Variants in PCDH15 observed in about 807,000 individuals in gnomAD.
PCDH15 encodes protocadherin-15.
In PCDH15, 129 loss-of-function variants were observed where a neutral mutation model predicts 178.5. The ratio of observed to expected loss-of-function variants is 0.72; its 90% CI spans 0.63 to 0.84. The LOEUF (loss-of-function observed/expected upper bound fraction) is 0.84, where lower values mean the gene tolerates loss of function less well. Ranked by LOEUF, PCDH15 falls within the 40% of genes least tolerant of loss-of-function variation. PCDH15 has a pLI of 0.00. For missense variants in PCDH15, 2,230 were observed against 2,099.9 expected (o/e 1.06, Z -1.21); for synonymous variants, 800 against 732.0 (o/e 1.09, Z -1.50).
intron 3 of PCDH15, among the ~76,000 whole-genome samples, chr10:54,426,932 A>G (rs1328390763): frequency 6.6e-6 from 1 of 152,126 alleles, no homozygotes; most frequent in African/African-American, 2.4e-5. Flanking sequence ...AGCAAAAGCA[A>G]TATTTGTTGA....
chr10:54,685,026 T>A (rs2094969543), intron 1 of PCDH15, among the ~76,000 whole-genome samples: 1 of 151,886 alleles, frequency 6.6e-6, no homozygotes, highest in South Asian at 2.1e-4. Flanking sequence ...TTTTTCTATT[T>A]TAAAAATTAT....
At chr10:53,812,817 A>G (rs1371409376) in intron 35 of PCDH15, among the ~76,000 whole-genome samples, 1 of 152,186 alleles carries the variant, frequency 6.6e-6, no homozygotes, top group Non-Finnish European at 1.5e-5. Context: ...TCACATGAAA[A>G]TAGATTGGTA....
intron 2 of PCDH15, among the ~76,000 whole-genome samples, chr10:55,075,710 A>AT (rs71014447): frequency 0.033 from 4,773 of 146,284 alleles, 289 homozygotes; most frequent in East Asian, 0.22. Context: ...CCTCCTTTGT[A>AT]TTTTTTTTTT....
chr10:55,170,430 TGAGCCACCGTG>T (rs1839302996), intron 1 of PCDH15, among the ~76,000 whole-genome samples: 1 of 152,118 alleles, frequency 6.6e-6, no homozygotes, highest in South Asian at 2.1e-4. Context: ...ATTACAGGAA[TGAGCCACCGTG>T]CCAGCCTTAA....
intron 9 of PCDH15, among the ~76,000 whole-genome samples, chr10:54,222,161 C>A (rs1427638305): frequency 6.6e-6 from 1 of 152,074 alleles, no homozygotes; most frequent in Non-Finnish European, 1.5e-5. Flanking sequence ...TTATCTTGAG[C>A]AAATATCTAG....
chr10:54,601,086 C>A (rs527583155), intron 2 of PCDH15, among the ~76,000 whole-genome samples: 2 of 152,150 alleles, frequency 1.3e-5, no homozygotes, highest in South Asian at 2.1e-4. Flanking sequence ...CATGGGAGAA[C>A]CTCGTTGACA....
intron 3 of PCDH15, among the ~76,000 whole-genome samples, chr10:54,828,513 A>T (rs1428868823): frequency 6.6e-6 from 1 of 151,734 alleles, no homozygotes; most frequent in Non-Finnish European, 1.5e-5. Flanking sequence ...ATGTGTGTGT[A>T]TATTTTTTCT....
intron 2 of PCDH15, among the ~76,000 whole-genome samples, chr10:54,613,744 A>G (rs1293421645): frequency 6.6e-6 from 1 of 151,856 alleles, no homozygotes; most frequent in Non-Finnish European, 1.5e-5. Flanking sequence ...CTAATCATGC[A>G]CCAGAACAAC....
chr10:55,067,016 A>G (rs1000368864), intron 2 of PCDH15, among the ~76,000 whole-genome samples: 7 of 151,964 alleles, frequency 4.6e-5, no homozygotes, highest in Admixed American at 3.9e-4. Context: ...AAACACATCT[A>G]CTCCATAAAT....
chr10:54,531,723 A>G (rs552132896), intron 2 of PCDH15, among the ~76,000 whole-genome samples: 46 of 152,256 alleles, frequency 3.0e-4, no homozygotes, highest in African/African-American at 1.1e-3. Flanking sequence ...AATTGCCCTT[A>G]TATGTTAATA....
chr10:55,357,732 C>G lies in PCDH15; in HGVS notation c.-155-191081G>C, dbSNP rs184411590. Among the ~76,000 whole-genome samples the G allele has an allele frequency of 2.3e-3, 348 of 152,052 alleles. 2 individuals carry two copies. Among genetic ancestry groups the G allele is most frequent in the African/African-American group, 7.7e-3 (320 of 41,544 alleles). On this transcript the variant is annotated intron_variant, in intron 2 of 5. Coordinates refer to the PCDH15 transcript ENST00000613346. ...TGACCAGTCACACATTAATATAAAG[C>G]ATATGCCAGCCTATAGAGATTGTAA...
At chr10:53,965,747 T>C (rs1277368430) in intron 21 of PCDH15, among the ~76,000 whole-genome samples, 1 of 152,204 alleles carries the variant, frequency 6.6e-6, no homozygotes, top group Non-Finnish European at 1.5e-5. Flanking sequence ...GAGTTTTTGC[T>C]AGCATGAGGA....
intron 1 of PCDH15, among the ~76,000 whole-genome samples, chr10:55,283,079 A>G (rs1842772833): frequency 6.6e-6 from 1 of 152,200 alleles, no homozygotes; most frequent in African/African-American, 2.4e-5. Context: ...ATGGTTTAGG[A>G]GTCATGCAGC....
rs753823197 is a variant in PCDH15 at position 53,809,550 on chromosome 10, A to G, written c.4671+1006T>C. ...TTTTAATTTTCTTTGGCTCTTCCTG[A>G]AAATTGTGAAAATGCAATTGAAGTG... On this transcript the variant is annotated intron_variant, in intron 37 of 37. Coordinates refer to ENST00000644397, the MANE Select transcript of PCDH15 (RefSeq NM_001384140.1). 4.4e-6 allele frequency: 7 copies of G among 1,605,018 alleles called. No homozygotes were observed. In the African/African-American group the frequency reaches 8.1e-5, roughly 19 times the overall value.
intron 2 of PCDH15, among the ~76,000 whole-genome samples, chr10:55,023,170 T>C (rs1170042992): frequency 2.0e-5 from 3 of 152,082 alleles, no homozygotes; most frequent in Admixed American, 6.5e-5. Context: ...CTCAATCTCC[T>C]GACCTTGTGA....
At chr10:53,957,503 G>GTT (rs55738634) in intron 23 of PCDH15, among the ~76,000 whole-genome samples, 2 of 140,594 alleles carry the variant, frequency 1.4e-5, no homozygotes, top group East Asian at 2.1e-4. Context: ...TATTTACTAT[G>GTT]TTTTTTTTTT....
At chr10:53,865,852 A>G (rs970401465) in intron 27 of PCDH15, among the ~76,000 whole-genome samples, 2 of 152,196 alleles carry the variant, frequency 1.3e-5, no homozygotes, top group Non-Finnish European at 2.9e-5. Context: ...AACAAAAGAC[A>G]ACTTATTCTT....
chr10:53,866,446 A>AATATATATATAT (rs55793083), intron 27 of PCDH15, among the ~76,000 whole-genome samples, 196 bp downstream of exon 27: 1 of 145,800 alleles, frequency 6.9e-6, no homozygotes, highest in African/African-American at 2.5e-5. Flanking sequence ...TGTTTTTGTA[A>AATATATATATAT]ATATATATAT....
At chr10:55,443,677 C>A (rs986942760) in intron 2 of PCDH15, among the ~76,000 whole-genome samples, 1 of 152,106 alleles carries the variant, frequency 6.6e-6, no homozygotes, top group Non-Finnish European at 1.5e-5. Context: ...CCATTTTACA[C>A]TGTTGGTGGG....
Sources: allele counts gnomAD v4.1 joint callset (sites outside exome capture counted in the v4.1 genomes callset), GRCh38; gene constraint gnomAD v4.1.1; transcripts MANE v1.5; gene names NCBI Gene and HGNC (gene_info 2026-07-23, HGNC 2026-07-21).